Variants in CPNE4 observed in about 807,000 individuals in gnomAD.
CPNE4 encodes copine 4, also known as copine-4.
Under a neutral mutation model 67.9 loss-of-function variants are expected in CPNE4, and 25 were observed. That is an observed-to-expected ratio of 0.37 (90% confidence interval 0.27 to 0.51). CPNE4 has a LOEUF of 0.51. Ranked by LOEUF, CPNE4 falls within the 20% of genes least tolerant of loss-of-function variation. The probability of loss-of-function intolerance (pLI) is 0.93; values close to 1 mark genes in which losing one functional copy is unlikely to be tolerated. For synonymous variants in CPNE4, 242 were observed against 244.9 expected (o/e 0.99, Z 0.11); for missense variants, 464 against 690.8 (o/e 0.67, Z 3.68).
At chr3:131,686,794 T>C (rs2080902438) in intron 5 of CPNE4, among the ~76,000 whole-genome samples, 1 of 152,242 alleles carries the variant, frequency 6.6e-6, no homozygotes, top group Non-Finnish European at 1.5e-5. Context: ...ATGCTGCTTT[T>C]GCTAATTAGC....
intron 1 of CPNE4, among the ~76,000 whole-genome samples, chr3:132,024,373 T>G (rs901947194): frequency 1.3e-5 from 2 of 152,108 alleles, no homozygotes; most frequent in African/African-American, 2.4e-5. Flanking sequence ...TGTGAGCCAT[T>G]GCGCCCAGCC....
chr3:131,996,054 T>A (rs576698040), intron 1 of CPNE4, among the ~76,000 whole-genome samples: 8 of 152,284 alleles, frequency 5.3e-5, no homozygotes, highest in African/African-American at 1.4e-4. Context: ...ACAATCCATT[T>A]AAAAAAATAT....
chr3:131,968,299 C>T (rs1377211571), intron 1 of CPNE4, among the ~76,000 whole-genome samples: 1 of 152,098 alleles, frequency 6.6e-6, no homozygotes, highest in Non-Finnish European at 1.5e-5. Flanking sequence ...TAGGCATGGG[C>T]AAAGACTTCA....
intron 1 of CPNE4, among the ~76,000 whole-genome samples, chr3:131,977,269 A>G (rs55676362): frequency 0.11 from 17,004 of 152,186 alleles, 2,997 homozygotes; most frequent in African/African-American, 0.37. Context: ...CCAAAGTTGC[A>G]CTTAAATTGT....
rs558043820 is a variant in CPNE4 at position 131,581,475 on chromosome 3, G to T, written c.867+104C>A. The T allele has an allele frequency of 1.3e-4, 96 of 759,352 alleles. No homozygotes were observed. The African/African-American group carries it at 1.5e-3, about 12-fold the overall frequency. The allele number at this position is 759,352 out of a possible 1,614,324, so 47.0% of individuals were successfully genotyped here. ...TGACTTTTTAATTTTTATTTTAAAA[G>T]ATCACATCTTTTTGATACTCTTTTC... On this transcript the variant is annotated intron_variant, in intron 9 of 15. Coordinates refer to ENST00000429747, the MANE Select transcript of CPNE4 (RefSeq NM_130808.3).
intron 8 of CPNE4, among the ~76,000 whole-genome samples, chr3:131,582,124 G>C (rs962417780): frequency 6.6e-6 from 1 of 152,188 alleles, no homozygotes; most frequent in Admixed American, 6.5e-5. Context: ...AAGTACTAAG[G>C]CTTACTGCCT....
chr3:131,638,009 C>T (rs2079438758), intron 7 of CPNE4, among the ~76,000 whole-genome samples: 1 of 152,054 alleles, frequency 6.6e-6, no homozygotes, highest in African/African-American at 2.4e-5. Flanking sequence ...ACTACCAAGT[C>T]AGCACTACAA....
chr3:131,931,890 A>T (rs761684255), intron 1 of CPNE4, among the ~76,000 whole-genome samples: 15 of 152,176 alleles, frequency 9.9e-5, no homozygotes, highest in Non-Finnish European at 1.9e-4. Flanking sequence ...CTAATATTAT[A>T]TTATTCTAAG....
intron 2 of CPNE4, among the ~76,000 whole-genome samples, chr3:131,738,377 A>G (rs1053708820): frequency 4.6e-5 from 7 of 152,248 alleles, no homozygotes; most frequent in Middle Eastern, 3.2e-3. Context: ...TTGTATTTGT[A>G]CAGCAAGACA....
chr3:131,875,429 C>T (rs990253613), intron 2 of CPNE4, among the ~76,000 whole-genome samples: 6 of 152,088 alleles, frequency 3.9e-5, no homozygotes, highest in African/African-American at 1.4e-4. Context: ...TTGGAACCAA[C>T]CCAAATGTCC....
intron 1 of CPNE4, among the ~76,000 whole-genome samples, chr3:131,935,115 T>C (rs1186099135): frequency 6.6e-6 from 1 of 152,194 alleles, no homozygotes. Flanking sequence ...TTGGTGCTTA[T>C]GAATTGACAA....
chr3:131,969,046 A>G (rs751543155), intron 1 of CPNE4, among the ~76,000 whole-genome samples: 8 of 147,426 alleles, frequency 5.4e-5, no homozygotes, highest in Admixed American at 2.2e-4. Context: ...ATGAGTTCAT[A>G]TCCTTTGCAG....
At chr3:131,792,721 ATATATATACACGTGTGTATATATG>A (rs1560323382) in intron 2 of CPNE4, among the ~76,000 whole-genome samples, 1 of 123,940 alleles carries the variant, frequency 8.1e-6, no homozygotes, top group East Asian at 2.4e-4. Context: ...GTATATATGT[ATATATATACACGTGTGTATATATG>A]TATATATATA....
intron 2 of CPNE4, among the ~76,000 whole-genome samples, chr3:131,861,748 T>C (rs911198818): frequency 6.6e-6 from 1 of 152,166 alleles, no homozygotes; most frequent in African/African-American, 2.4e-5. Flanking sequence ...TATCTCATCT[T>C]TTTAAAGGAG....
At chr3:131,607,361 C>CCAATAGATT (rs1444285590) in intron 7 of CPNE4, among the ~76,000 whole-genome samples, 1 of 152,084 alleles carries the variant, frequency 6.6e-6, no homozygotes, top group East Asian at 1.9e-4. Context: ...ATTGGACAGA[C>CCAATAGATT]CAATAGATTT....
chr3:131,737,117 T>TTA (rs2082255816), intron 2 of CPNE4, among the ~76,000 whole-genome samples: 1 of 25,348 alleles, frequency 3.9e-5, no homozygotes, highest in African/African-American at 1.2e-4. Context: ...TATTGTGTCT[T>TTA]TTTTTTTTTT....
intron 7 of CPNE4, among the ~76,000 whole-genome samples, chr3:131,631,632 G>GA (rs2079223565): frequency 6.6e-6 from 1 of 152,038 alleles, no homozygotes; most frequent in South Asian, 2.1e-4. Flanking sequence ...AATAATAAGG[G>GA]ATCATTGAAA....
At chr3:131,718,460 C>A (rs1204317131) in intron 3 of CPNE4, among the ~76,000 whole-genome samples, 1 of 152,160 alleles carries the variant, frequency 6.6e-6, no homozygotes, top group African/African-American at 2.4e-5. Context: ...TGACCGCTCA[C>A]CCACGCTAAG....
intron 2 of CPNE4, among the ~76,000 whole-genome samples, chr3:131,836,713 GT>G (rs2108008482): frequency 6.6e-6 from 1 of 152,266 alleles, no homozygotes; most frequent in African/African-American, 2.4e-5. Flanking sequence ...ATAACAGAAA[GT>G]TGGTAAATTA....
Sources: allele counts gnomAD v4.1 joint callset (sites outside exome capture counted in the v4.1 genomes callset), GRCh38; gene constraint gnomAD v4.1.1; transcripts MANE v1.5; gene names NCBI Gene and HGNC (gene_info 2026-07-23, HGNC 2026-07-21).